GYG2: variants seen among roughly 807,000 people sequenced by gnomAD.
GYG2 encodes glycogenin-2.
GYG2 carries 29 observed loss-of-function variants against 29.4 expected under a neutral mutation model. That is an observed-to-expected ratio of 0.99 (90% CI 0.74 to 1.35). The LOEUF (loss-of-function observed/expected upper bound fraction) is 1.35, where lower values mean the gene tolerates loss of function less well. Among genes scored for constraint, GYG2 ranks in the 40% most tolerant of loss-of-function variants. The probability of loss-of-function intolerance (pLI) is 0.00; values close to 1 mark genes in which losing one functional copy is unlikely to be tolerated. For synonymous variants in GYG2, 167 were observed against 172.3 expected (o/e 0.97, Z 0.24); for missense variants, 370 against 385.7 (o/e 0.96, Z 0.34).
At chrX:2,869,890 T>C (rs1018945296) in intron 8 of GYG2, among the ~76,000 whole-genome samples, 3 of 112,618 alleles carry the variant, frequency 2.7e-5, no homozygotes, top group Admixed American at 9.4e-5. Context: ...GATCTGCTCA[T>C]CTTGGCCTCC....
chrX:2,872,770 T>C (rs1363955165), intron 8 of GYG2, among the ~76,000 whole-genome samples: 1 of 111,854 alleles, frequency 8.9e-6, no homozygotes, highest in Non-Finnish European at 1.9e-5. Context: ...TCTGGCTGCT[T>C]CATTTATCCA....
chrX:2,848,991 C>T (rs1002477682), intron 3 of GYG2, among the ~76,000 whole-genome samples: 6 of 110,965 alleles, frequency 5.4e-5, no homozygotes, highest in Admixed American at 3.9e-4. Context: ...CGTAAATGAC[C>T]AGGGGTGTGG....
At chrX:2,867,079 C>T (rs182385960) in intron 8 of GYG2, among the ~76,000 whole-genome samples, 2 of 111,829 alleles carry the variant, frequency 1.8e-5, no homozygotes, top group African/African-American at 6.5e-5. Context: ...CTGGGTAGTG[C>T]TGGGGACAGT....
rs140288633 is a variant in GYG2, at chrX:2,860,643, C to CT, written c.837+598dup. 7.2e-3 allele frequency among the ~76,000 whole-genome samples: 582 copies of CT among 80,387 alleles called. 9 individuals carry two copies. The highest frequency in any genetic ancestry group is 0.025 in the African/African-American group (536 of 21,128). The allele number at this position is 80,387 out of a possible 115,157, so 69.8% of individuals were successfully genotyped here. A position where few individuals can be genotyped will look rare whatever the true frequency, so the allele number is the denominator to read the frequency against. On this transcript the variant is annotated intron_variant, in intron 7 of 10. Coordinates refer to ENST00000398806, the MANE Select transcript of GYG2 (RefSeq NM_001079855.2). ...TCACTAAAGTAAAAAAAAACTTGAG[C>CT]TTTTTTTTTTTTTTTTTTTTAACTA...
intron 3 of GYG2, among the ~76,000 whole-genome samples, chrX:2,852,382 G>C (rs1217558114): frequency 9.0e-6 from 1 of 111,717 alleles, no homozygotes; most frequent in Non-Finnish European, 1.9e-5. Flanking sequence ...CTGGCCCCCT[G>C]TATTCTTTCA....
At chrX:2,875,985 C>A (rs1267530814) in intron 9 of GYG2, 71 bp downstream of exon 9, 3 of 557,973 alleles carry the variant, frequency 5.4e-6, no homozygotes, top group African/African-American at 2.4e-5. Context: ...CAGGGTCTAT[C>A]CCCATTACAT....
chrX:2,847,741 A>AATAG (rs2087774168), intron 3 of GYG2, among the ~76,000 whole-genome samples: 1 of 104,614 alleles, frequency 9.6e-6, no homozygotes, highest in Non-Finnish European at 1.9e-5. Flanking sequence ...TAAATAAATA[A>AATAG]ATAAATAAAA....
intron 3 of GYG2, among the ~76,000 whole-genome samples, chrX:2,848,127 A>C (rs1034084411): frequency 1.8e-5 from 2 of 112,397 alleles, no homozygotes; most frequent in Non-Finnish European, 3.8e-5. Context: ...TATAATGGAG[A>C]GGTTCTTATT....
chrX:2,859,593 ATAG>A (rs1036446604), intron 6 of GYG2, among the ~76,000 whole-genome samples: 8 of 111,049 alleles, frequency 7.2e-5, no homozygotes, highest in Middle Eastern at 5.1e-3. Flanking sequence ...GACTATGTTG[ATAG>A]TAGTAATCTT....
chrX:2,845,052 T>TAC (rs1569057295), intron 3 of GYG2, among the ~76,000 whole-genome samples: 2 of 71,899 alleles, frequency 2.8e-5, no homozygotes, highest in African/African-American at 5.6e-5. Flanking sequence ...TGTATGTATA[T>TAC]ATACACGTGT....
rs1204593420 is a variant in GYG2 at position 2,847,744 on chromosome X, AAAT to A, written c.149+4393_149+4395del. On this transcript the variant is annotated intron_variant, in intron 3 of 10. Coordinates refer to ENST00000398806, the MANE Select transcript of GYG2 (RefSeq NM_001079855.2). ...TAAATAAATAAATAAATAAATAAAT[AAAT>A]AAAAATCCACATAGATTATAAATAT... Among the ~76,000 whole-genome samples, 22 of 108,170 alleles carry A rather than the reference AAAT, an allele frequency of 2.0e-4. No homozygotes were observed. In the East Asian group the frequency reaches 5.1e-3, roughly 25 times the overall value. 93.9% of individuals were successfully genotyped at this position (108,170 alleles called of 115,157 possible).
At chrX:2,851,810 C>A (rs753410810) in intron 3 of GYG2, among the ~76,000 whole-genome samples, 11 of 112,103 alleles carry the variant, frequency 9.8e-5, no homozygotes, top group Non-Finnish European at 1.9e-4. Flanking sequence ...TGTTTCTTCT[C>A]TAAAAATCAG....
rs2088733465 is a variant in GYG2 at position 2,882,236 on chromosome X, G to A, written c.*1023G>A. On this transcript the variant is annotated 3_prime_UTR_variant, in exon 11 of 11. Coordinates refer to ENST00000398806, the MANE Select transcript of GYG2 (RefSeq NM_001079855.2). ...GTAGCTGTCAGGGGCCACCGAGAGT[G>A]TCGTTAAAAATGGGCATGGTTGTAA... 1 of 110,661 alleles carries A rather than the reference G, an allele frequency of 9.0e-6. No individual in the cohort carries two copies. The highest frequency in any genetic ancestry group is 1.9e-5 in the Non-Finnish European group (1 of 52,878). The allele number at this position is 110,661 out of a possible 1,213,427, so 9.1% of individuals were successfully genotyped here. A position where few individuals can be genotyped will look rare whatever the true frequency, so the allele number is the denominator to read the frequency against.
At chrX:2,866,326 C>G (rs2088294545) in intron 8 of GYG2, among the ~76,000 whole-genome samples, 1 of 111,556 alleles carries the variant, frequency 9.0e-6, no homozygotes, top group African/African-American at 3.3e-5. Context: ...AAAACCCTGT[C>G]TCTGCAAAAA....
chrX:2,844,049 C>G (rs2087566517), intron 3 of GYG2, among the ~76,000 whole-genome samples: 1 of 112,306 alleles, frequency 8.9e-6, no homozygotes, highest in Admixed American at 9.5e-5. Flanking sequence ...TAAGGCTTCT[C>G]TTAAATGTCA....
In GYG2 at chrX:2,861,604, C is replaced by A. The variant is rs145000912; in HGVS notation, c.920C>A (p.Ala307Glu). Residue 307 changes from alanine (A) to glutamate (E), a missense_variant, in exon 8 of 11, where the codon GCG (alanine) becomes GAG (glutamate). Ala to Glu is a moderately radical substitution (Grantham distance 107, BLOSUM62 -1). Coordinates refer to ENST00000398806, the MANE Select transcript of GYG2 (RefSeq NM_001079855.2). ...CCGTGTGAAAATTCAACACCCAGTG[C>A]GGGCGTGCCGTGTGCAAATTCACCA... ...GEPCENSTPS[A>E]GVPCANSPLG... 1 of 1,205,384 alleles carries A rather than the reference C, an allele frequency of 8.3e-7. No homozygotes were observed. Among genetic ancestry groups the A allele is most frequent in the Admixed American group, 2.2e-5 (1 of 45,873 alleles).
rs150059444 is a variant in GYG2, at chrX:2,855,048, A to G, written c.380A>G (p.Asp127Gly). ...AGGGGAGAGTTTTCTGCGGCCCCGGACCCCGGATGGCCGGATTGCTTCAAT... is the reference window on the plus strand; with the variant it reads ...AGGGGAGAGTTTTCTGCGGCCCCGGGCCCCGGATGGCCGGATTGCTTCAAT... ...FDRGEFSAAP[D>G]PGWPDCFNSG... Residue 127 changes from aspartate to glycine, a missense_variant, in exon 5 of 11, where the codon GAC becomes GGC. Asp to Gly is a moderately conservative substitution (Grantham distance 94). Coordinates refer to ENST00000398806, the MANE Select transcript of GYG2 (RefSeq NM_001079855.2). The G allele has an allele frequency of 1.2e-4, 146 of 1,209,276 alleles. No homozygotes were observed. Among genetic ancestry groups the G allele is most frequent in the Non-Finnish European group, 1.6e-4 (144 of 894,419 alleles).
chrX:2,831,962 C>T (rs2087273329), intron 2 of GYG2, among the ~76,000 whole-genome samples: 1 of 112,379 alleles, frequency 8.9e-6, no homozygotes, highest in African/African-American at 3.2e-5. Context: ...CCACTCCATG[C>T]CGTTGCTGAA....
intron 8 of GYG2, among the ~76,000 whole-genome samples, chrX:2,869,755 C>T (rs1262218319): frequency 9.0e-6 from 1 of 111,534 alleles, no homozygotes; most frequent in South Asian, 3.7e-4. Context: ...AAGTGATCCT[C>T]CCACCTCCTC....
Sources: gnomAD v4.1 joint callset for allele counts (sites outside exome capture counted in the v4.1 genomes callset) on GRCh38, gnomAD v4.1.1 for gene constraint, MANE v1.5 for transcripts, NCBI Gene and HGNC (gene_info 2026-07-23, HGNC 2026-07-21) for gene names.